The following ADAMTS13 variants were observed in gnomAD, a reference collection of about 807,000 sequenced individuals.
ADAMTS13 encodes A disintegrin and metalloproteinase with thrombospondin motifs 13.
In ADAMTS13, 110 loss-of-function variants were observed where a neutral mutation model predicts 155.1. The ratio of observed to expected loss-of-function variants is 0.71; its 90% CI spans 0.61 to 0.83. ADAMTS13 has a LOEUF of 0.83. ADAMTS13 is among the 40% of genes least tolerant of loss of function. ADAMTS13 has a pLI of 0.00. For synonymous variants in ADAMTS13, 758 were observed against 756.4 expected, an observed-to-expected ratio of 1.00 and a Z score of -0.03; for missense variants, 1,707 against 1,891.7, an observed-to-expected ratio of 0.90 and a Z score of 1.81.
Position 133,445,674 on chromosome 9 carries a change from A to G in ADAMTS13, c.2611-25A>G, listed in dbSNP as rs782260556. The G allele has an allele frequency of 6.2e-6, 10 of 1,612,586 alleles. No individual in the cohort carries two copies. The highest frequency in any genetic ancestry group is 8.5e-6 in the Non-Finnish European group (10 of 1,179,818). The stretch of plus-strand genomic sequence containing the variant: ...GGGTCCTCAGAGGAGGCCCAGACCC[A>G]CCAGCTTGTTGCTATTCCCCACAGC... On this transcript the variant is annotated intron_variant, in intron 20 of 28. Transcript: ENST00000355699. This position sits in a 1 kb window ranked among gnomAD's most constrained non-coding sequence, Gnocchi z 5.0.
At position 133,455,319 on chromosome 9, in the gene ADAMTS13, G is replaced by A. The variant is rs373569027; in HGVS notation, c.3284G>A (p.Arg1095Gln). 5 of 1,606,252 alleles carry A rather than the reference G, an allele frequency of 3.1e-6. No individual in the cohort carries two copies. The highest frequency in any genetic ancestry group is 4.2e-6 in the Non-Finnish European group (5 of 1,179,966). Residue 1095 changes from arginine to glutamine, a missense_variant, in exon 25 of 29, where the codon CGG (arginine) becomes CAG (glutamine). This residue lies in a region of ADAMTS13 where 961 missense variants were observed against 1,107.9 expected (regional missense o/e 0.87). Transcript: ENST00000355699. ...TCCTGTGGGGATGGCATCCAGCGCC[G>A]GCGTGACACCTGCCTCGGACCCCAG... ...SVSCGDGIQR[R>Q]RDTCLGPQAQ... is the part of the protein sequence containing the mutation.
Position 133,459,069 on chromosome 9 carries a change from C to G in ADAMTS13, c.4005C>G (p.Ser1335Arg). 1 of 1,612,888 alleles carries G rather than the reference C, an allele frequency of 6.2e-7. No individual in the cohort carries two copies. Among genetic ancestry groups the G allele is most frequent in the Non-Finnish European group, 8.5e-7 (1 of 1,179,920 alleles). ...GCAGCCAGGCTGAGATGGAGTTCAG[C>G]GAGGGCTTCCTGAAGGCTCAGGCCA... is the stretch of plus-strand genomic sequence containing the variant. ...SESSQAEMEF[S>R]EGFLKAQASL... The change falls in exon 29 of 29, where the codon AGC becomes AGG. Residue 1335 changes from serine (S) to arginine (R), a missense_variant. Coordinates refer to ENST00000355699, the MANE Select transcript of ADAMTS13 (RefSeq NM_139027.6).
rs1841574241 is a variant in ADAMTS13, at chr9:133,440,388, A to G, written c.1831A>G (p.Ile611Val). ...CTATGTCGTGGCTGGGAAGATGAGC[A>G]TCTCCCCTAACACCACCTACCCCTC... is the stretch of plus-strand genomic sequence containing the variant. ...GRYVVAGKMS[I>V]SPNTTYPSLL... The change falls in exon 16 of 29, where the codon ATC becomes GTC. Residue 611 changes from isoleucine (I) to valine (V), a missense_variant. Ile to Val is a conservative substitution (Grantham distance 29). Transcript: ENST00000355699. This position sits in a 1 kb window ranked among gnomAD's most constrained non-coding sequence, Gnocchi z 4.3. 1.9e-6 allele frequency: 3 copies of G among 1,613,898 alleles called. No homozygotes were observed. In the South Asian group the frequency reaches 3.3e-5, roughly 18 times the overall value.
rs1293235498 is a variant in ADAMTS13, at chr9:133,440,202, G to A, written c.1787-142G>A. ...TTGTGGAAAGAGGCCTAGAGCCTCCGCTGTGGGGAAGCCTCTAGCTCAGAT... is the reference window on the plus strand; with the variant it reads ...TTGTGGAAAGAGGCCTAGAGCCTCCACTGTGGGGAAGCCTCTAGCTCAGAT... On this transcript the variant is annotated intron_variant, in intron 15 of 28. Transcript: ENST00000355699. This position sits in a 1 kb window ranked among gnomAD's most constrained non-coding sequence, Gnocchi z 4.3. The A allele has an allele frequency of 9.9e-7, 1 of 1,007,242 alleles. No homozygotes were observed. The highest frequency in any genetic ancestry group is 1.5e-6 in the Non-Finnish European group (1 of 658,518). 62.4% of individuals were successfully genotyped at this position (1,007,242 alleles called of 1,614,324 possible).
chr9:133,443,855 C>T (rs950824731), intron 19 of ADAMTS13, among the ~76,000 whole-genome samples: 1 of 152,100 alleles, frequency 6.6e-6, no homozygotes, highest in Non-Finnish European at 1.5e-5. Context: ...TCAAACTGAA[C>T]GGAGTGGGAG....
chr9:133,433,714 C>T lies in ADAMTS13; in HGVS notation c.1308+10C>T, dbSNP rs1201195424. 7 of 1,612,702 alleles carry T rather than the reference C, an allele frequency of 4.3e-6. No individual in the cohort carries two copies. The highest frequency in any genetic ancestry group is 5.9e-6 in the Non-Finnish European group (7 of 1,179,962). On this transcript the variant is annotated intron_variant, in intron 11 of 28. Coordinates refer to ENST00000355699, the MANE Select transcript of ADAMTS13 (RefSeq NM_139027.6). ...GATGTGCAACACTCAGGTAGGCCTG[C>T]TTCCTGGGGTAGGAGGGGGCAGCTG... is the stretch of plus-strand genomic sequence containing the variant.
At chr9:133,427,169 A>T (rs1040082864) in intron 6 of ADAMTS13, among the ~76,000 whole-genome samples, 3 of 152,128 alleles carry the variant, frequency 2.0e-5, no homozygotes, top group Non-Finnish European at 4.4e-5. Context: ...TATCCCAAAC[A>T]TTATCCCAGG....
At chr9:133,428,911 G>A (rs4988989) in intron 7 of ADAMTS13, 140 bp downstream of exon 7, 19 of 818,188 alleles carry the variant, frequency 2.3e-5, no homozygotes, top group Admixed American at 3.6e-4. Flanking sequence ...CCACCCCTCC[G>A]TCCAACCCCG....
chr9:133,458,555 CA>C (rs10699153), intron 28 of ADAMTS13, among the ~76,000 whole-genome samples: 6,710 of 55,594 alleles, frequency 0.12, 132 homozygotes, highest in Middle Eastern at 0.18. Flanking sequence ...GACTCTGTCT[CA>C]AAAAAAAAAA....
upstream of ADAMTS13, among the ~76,000 whole-genome samples, chr9:133,421,764 GGA>G (rs1554783234): frequency 1.3e-5 from 2 of 152,186 alleles, no homozygotes; most frequent in Non-Finnish European, 1.5e-5. Context: ...TCGCAGAGGA[GGA>G]GAGAGGCTGC....
At chr9:133,457,625 C>T (rs1435157992) in intron 27 of ADAMTS13, among the ~76,000 whole-genome samples, 2 of 152,248 alleles carry the variant, frequency 1.3e-5, no homozygotes, top group Non-Finnish European at 2.9e-5. Flanking sequence ...GTGTTAAACA[C>T]TCTTGCACGT....
chr9:133,415,198 C>G (rs1237012603), intron 1 of ADAMTS13, among the ~76,000 whole-genome samples: 2 of 152,148 alleles, frequency 1.3e-5, no homozygotes. Flanking sequence ...TCATGGGTCA[C>G]TTGTGGTGAA....
chr9:133,442,844 G>T lies in ADAMTS13; in HGVS notation c.2234+101G>T, dbSNP rs112600545. The T allele has an allele frequency of 2.0e-6, 3 of 1,471,834 alleles. No homozygotes were observed. In the East Asian group the frequency reaches 7.4e-5, roughly 36 times the overall value. 91.2% of individuals were successfully genotyped at this position (1,471,834 alleles called of 1,614,324 possible). On this transcript the variant is annotated intron_variant, in intron 18 of 28. Transcript: ENST00000355699. ...CTATGGGGCCCATGTGGCAGGGCCGGGCTGAGCTGCTCCTGTGCAGGCTCT... is the reference window on the plus strand; with the variant it reads ...CTATGGGGCCCATGTGGCAGGGCCGTGCTGAGCTGCTCCTGTGCAGGCTCT...
chr9:133,424,318 C>T lies in ADAMTS13; in HGVS notation c.173-3C>T. The T allele has an allele frequency of 1.2e-6, 2 of 1,612,220 alleles. No homozygotes were observed. The highest frequency in any genetic ancestry group is 1.7e-6 in the Non-Finnish European group (2 of 1,179,912). On this transcript the variant is annotated splice_region_variant and splice_polypyrimidine_tract_variant and intron_variant, in intron 2 of 28. Coordinates refer to ENST00000355699, the MANE Select transcript of ADAMTS13 (RefSeq NM_139027.6). This position sits in a 1 kb window ranked among gnomAD's most constrained non-coding sequence, Gnocchi z 4.3. ...GCCCTCTGCTCTCCCTCTCCCCCTC[C>T]AGGCCGCCCTCCTTCCCCTGGCTTC...
At chr9:133,438,928 A>G (rs989963768) in intron 14 of ADAMTS13, among the ~76,000 whole-genome samples, 1 of 150,918 alleles carries the variant, frequency 6.6e-6, no homozygotes, top group Admixed American at 6.6e-5. Flanking sequence ...AAAAAAAAAA[A>G]GTATGGACGT....
rs782497226 is a variant in ADAMTS13 at position 133,436,905 on chromosome 9, C to T, written c.1385C>T (p.Pro462Leu). 8 of 1,588,528 alleles carry T rather than the reference C, an allele frequency of 5.0e-6. No individual in the cohort carries two copies. The highest frequency in any genetic ancestry group is 1.8e-5 in the Admixed American group (1 of 55,996). The change falls in exon 12 of 29, where the codon CCT (proline) becomes CTT (leucine). Residue 462 changes from proline to leucine, a missense_variant. Coordinates refer to ENST00000355699, the MANE Select transcript of ADAMTS13 (RefSeq NM_139027.6). Reference sequence around the variant, plus strand: ...GACGGCCAGCCGCTGCGCTCCTCCCCTGGCGGCGCCTCCTTCTACCACTGG... The same window carrying T: ...GACGGCCAGCCGCTGCGCTCCTCCCTTGGCGGCGCCTCCTTCTACCACTGG... ...RTDGQPLRSSPGGASFYHWGA... is the reference protein window; with the variant it reads ...RTDGQPLRSSLGGASFYHWGA...
intron 19 of ADAMTS13, among the ~76,000 whole-genome samples, chr9:133,444,353 C>CTT (rs782238892): frequency 1.4e-4 from 20 of 146,098 alleles, no homozygotes; most frequent in African/African-American, 4.5e-4. Flanking sequence ...GATGGGTTCT[C>CTT]TTTTTTTTTT....
chr9:133,428,570 C>T, intron 6 of ADAMTS13, 64 bp from the exon 7 acceptor site: 2 of 178,994 alleles, frequency 1.1e-5, no homozygotes, highest in Non-Finnish European at 1.1e-5. Flanking sequence ...GACCCCCGTC[C>T]CGCCCCCACC....
chr9:133,438,060 A>G (rs1183619120), intron 13 of ADAMTS13, among the ~76,000 whole-genome samples, 163 bp downstream of exon 13: 1 of 152,154 alleles, frequency 6.6e-6, no homozygotes, highest in Non-Finnish European at 1.5e-5. Flanking sequence ...GCCTGGGTTA[A>G]GGGCTGCAGT....
Sources: gnomAD v4.1 joint callset for allele counts (sites outside exome capture counted in the v4.1 genomes callset) on GRCh38, gnomAD v4.1.1 for gene constraint, gnomAD v4.1.1 regional missense constraint, Gnocchi (gnomAD v3.1) non-coding constraint, MANE v1.5 for transcripts, NCBI Gene and HGNC (gene_info 2026-07-23, HGNC 2026-07-21) for gene names.